The following EXT1 variants were observed in gnomAD, a reference collection of about 807,000 sequenced individuals.
EXT1 encodes the protein exostosin-1.
EXT1 carries 20 observed loss-of-function variants against 82.5 expected under a neutral mutation model. The observed-to-expected ratio is 0.24, with a 90% confidence interval of 0.17 to 0.35. The LOEUF (loss-of-function observed/expected upper bound fraction) is 0.35. Ranked by LOEUF, EXT1 falls within the 10% of genes least tolerant of loss-of-function variation. The pLI, the probability that EXT1 is intolerant of heterozygous loss-of-function variation, is 1.00. For missense variants in EXT1, 757 were observed against 936.5 expected, an observed-to-expected ratio of 0.81 and a Z score of 2.50; for synonymous variants, 348 against 350.8, an observed-to-expected ratio of 0.99 and a Z score of 0.09.
At chr8:117,943,312 T>G (rs992045311) in intron 1 of EXT1, among the ~76,000 whole-genome samples, 1 of 152,174 alleles carries the variant, frequency 6.6e-6, no homozygotes, top group African/African-American at 2.4e-5. Flanking sequence ...AATTTGACAA[T>G]TTATCCTATG....
At chr8:118,080,725 T>G (rs368545857) in intron 1 of EXT1, among the ~76,000 whole-genome samples, 1 of 152,282 alleles carries the variant, frequency 6.6e-6, no homozygotes, top group East Asian at 1.9e-4. Context: ...ACTACATTTT[T>G]AAGTATATAG....
chr8:117,876,292 A>G (rs937679717), intron 1 of EXT1, among the ~76,000 whole-genome samples: 7 of 152,254 alleles, frequency 4.6e-5, no homozygotes, highest in African/African-American at 1.7e-4. Flanking sequence ...AGAGACAGAG[A>G]AACAAGGAGT....
At chr8:117,899,182 T>C (rs1206938782) in intron 1 of EXT1, among the ~76,000 whole-genome samples, 1 of 152,256 alleles carries the variant, frequency 6.6e-6, no homozygotes, top group African/African-American at 2.4e-5. Context: ...ATTTACATTA[T>C]CTGTCTAAAT....
chr8:118,027,332 CA>C (rs1563633384), intron 1 of EXT1, among the ~76,000 whole-genome samples: 3 of 151,606 alleles, frequency 2.0e-5, no homozygotes, highest in Non-Finnish European at 2.9e-5. Flanking sequence ...CACACACACA[CA>C]CACACACACA....
At chr8:118,057,700 G>A (rs975168814) in intron 1 of EXT1, among the ~76,000 whole-genome samples, 25 of 151,800 alleles carry the variant, frequency 1.6e-4, no homozygotes, top group African/African-American at 5.1e-4. Context: ...GAGGCTGGGC[G>A]TGGTGGCTCA....
chr8:118,034,750 C>T (rs977527650), intron 1 of EXT1, among the ~76,000 whole-genome samples: 3 of 152,130 alleles, frequency 2.0e-5, no homozygotes, highest in Non-Finnish European at 2.9e-5. Flanking sequence ...AAAAGGGGGA[C>T]GATGGCTAGG....
intron 1 of EXT1, among the ~76,000 whole-genome samples, chr8:117,933,601 C>CA (rs1448413410): frequency 6.6e-6 from 1 of 152,154 alleles, no homozygotes; most frequent in African/African-American, 2.4e-5. Context: ...TTTATTTATT[C>CA]ACTGTCTACT....
At chr8:118,073,088 T>C (rs1026413387) in intron 1 of EXT1, among the ~76,000 whole-genome samples, 13 of 152,182 alleles carry the variant, frequency 8.5e-5, no homozygotes, top group African/African-American at 3.1e-4. Flanking sequence ...CTATTAAGAA[T>C]TTCAGTATCG....
chr8:118,096,076 T>C (rs1817605434), intron 1 of EXT1, among the ~76,000 whole-genome samples: 1 of 152,244 alleles, frequency 6.6e-6, no homozygotes, highest in African/African-American at 2.4e-5. Context: ...CAATATCAGT[T>C]AGCAGAGTTT....
intron 1 of EXT1, among the ~76,000 whole-genome samples, chr8:117,940,092 G>A (rs901495861): frequency 6.6e-6 from 1 of 152,174 alleles, no homozygotes; most frequent in African/African-American, 2.4e-5. Context: ...ATAAGTCATG[G>A]CATTCAATAG....
At chr8:118,092,923 G>C (rs907848092) in intron 1 of EXT1, among the ~76,000 whole-genome samples, 3 of 152,108 alleles carry the variant, frequency 2.0e-5, no homozygotes, top group African/African-American at 7.2e-5. Flanking sequence ...TCCTGAATAG[G>C]AGCAAACTGA....
chr8:117,862,571 T>C (rs957781050), intron 1 of EXT1, among the ~76,000 whole-genome samples: 1 of 145,190 alleles, frequency 6.9e-6, no homozygotes, highest in Non-Finnish European at 1.5e-5. Flanking sequence ...GGGACCAGTG[T>C]TTACTGAGTG....
At position 118,077,620 on chromosome 8, in the gene EXT1, C is replaced by A. The variant is rs991188918; in HGVS notation, c.962+32465G>T. 2.0e-5 allele frequency among the ~76,000 whole-genome samples: 3 copies of A among 151,914 alleles called. No individual in the cohort carries two copies. The South Asian group carries it at 6.2e-4, about 32-fold the overall frequency. On this transcript the variant is annotated intron_variant, in intron 1 of 10. Coordinates refer to ENST00000378204, the MANE Select transcript of EXT1 (RefSeq NM_000127.3). ...AGAAATAAGGAAACCAAACAGAATT[C>A]GGCAGAAGATTTAGGTCTTAATTAT...
intron 1 of EXT1, among the ~76,000 whole-genome samples, chr8:117,983,268 G>A (rs964660077): frequency 1.3e-5 from 2 of 152,116 alleles, no homozygotes; most frequent in Non-Finnish European, 2.9e-5. Context: ...AGGATTGTTC[G>A]AGTCCAGGAG....
chr8:118,102,821 T>A (rs1314712784), intron 1 of EXT1, among the ~76,000 whole-genome samples: 1 of 151,858 alleles, frequency 6.6e-6, no homozygotes, highest in Non-Finnish European at 1.5e-5. Flanking sequence ...CCACAGAGGC[T>A]ATGCATACTT....
At chr8:117,891,224 A>T (rs1286875397) in intron 1 of EXT1, among the ~76,000 whole-genome samples, 1 of 152,248 alleles carries the variant, frequency 6.6e-6, no homozygotes, top group Non-Finnish European at 1.5e-5. Flanking sequence ...TTACTAATCA[A>T]GATTACAATG....
intron 9 of EXT1, among the ~76,000 whole-genome samples, chr8:117,805,297 TTA>T: frequency 6.6e-6 from 1 of 152,318 alleles, no homozygotes; most frequent in South Asian, 2.1e-4. Flanking sequence ...GATCTATATA[TTA>T]TAAAGCTGCT....
At chr8:117,813,987 C>T (rs1441402068) in intron 7 of EXT1, among the ~76,000 whole-genome samples, 1 of 149,744 alleles carries the variant, frequency 6.7e-6, no homozygotes, top group East Asian at 2.0e-4. Context: ...GCCTGGGTGA[C>T]AGAGTGAGAC....
rs1823098833 is a variant in EXT1, at chr8:117,797,068, G to C, written c.*2644C>G. 1 of 152,190 alleles carries C rather than the reference G, an allele frequency of 6.6e-6. No homozygotes were observed. The highest frequency in any genetic ancestry group is 1.5e-5 in the Non-Finnish European group (1 of 68,044). The allele number at this position is 152,190 out of a possible 1,614,324, so 9.4% of individuals were successfully genotyped here. A position where few individuals can be genotyped will look rare whatever the true frequency, so the allele number is the denominator to read the frequency against. On this transcript the variant is annotated 3_prime_UTR_variant, in exon 11 of 11. Transcript: ENST00000378204. ...ATGTTAGCCCACTTAGGGACCCCTA[G>C]TTATCATTAAAGTTGACCAGGAGAT...
Sources: gnomAD v4.1 joint callset for allele counts (sites outside exome capture counted in the v4.1 genomes callset) on GRCh38, gnomAD v4.1.1 for gene constraint, MANE v1.5 for transcripts, NCBI Gene and HGNC (gene_info 2026-07-23, HGNC 2026-07-21) for gene names.